Variants in SETBP1 observed in about 807,000 individuals in gnomAD.
SETBP1 encodes SET-binding protein.
In SETBP1, 9 loss-of-function variants were observed where a neutral mutation model predicts 101.0. The ratio of observed to expected loss-of-function variants is 0.09; its 90% CI spans 0.05 to 0.16. The LOEUF (loss-of-function observed/expected upper bound fraction) is 0.16, where lower values mean the gene tolerates loss of function less well. SETBP1 is among the 10% of genes least tolerant of loss of function. The pLI is 1.00. For synonymous variants in SETBP1, 818 were observed against 788.5 expected, an observed-to-expected ratio of 1.04 and a Z score of -0.63; for missense variants, 1,858 against 2,033.8, an observed-to-expected ratio of 0.91 and a Z score of 1.66.
In SETBP1 at chr18:44,925,014, T is replaced by G. The variant is rs1044924383; in HGVS notation, c.541-24867T>G. Among the ~76,000 whole-genome samples, 77 of 143,048 alleles carry G rather than the reference T, an allele frequency of 5.4e-4. 1 individual carries two copies. Among genetic ancestry groups the G allele is most frequent in the African/African-American group, 1.8e-3 (70 of 39,626 alleles). 93.8% of individuals were successfully genotyped at this position (143,048 alleles called of 152,430 possible). On this transcript the variant is annotated intron_variant, in intron 3 of 5. Transcript: ENST00000649279. ...CTTCTTGATCCTGTGTGAGTTTTTTTTTTTTTTTTTTTTTTTTTTTTCACG... is the reference window on the plus strand; with the variant it reads ...CTTCTTGATCCTGTGTGAGTTTTTTGTTTTTTTTTTTTTTTTTTTTTCACG...
chr18:44,739,776 G>C (rs1447988756), intron 2 of SETBP1, among the ~76,000 whole-genome samples: 1 of 152,184 alleles, frequency 6.6e-6, no homozygotes, highest in Non-Finnish European at 1.5e-5. Flanking sequence ...TCCAGCAAGT[G>C]CTAACTGTGT....
Position 44,912,783 on chromosome 18 carries a change from G to A in SETBP1, c.541-37098G>A, listed in dbSNP as rs571113153. ...GTTTACCCCTCCTCTGTGCACCATC[G>A]TGTACACAAGCAGTCAGTTAGCTGC... On this transcript the variant is annotated intron_variant, in intron 3 of 5. Coordinates refer to ENST00000649279, the MANE Select transcript of SETBP1 (RefSeq NM_015559.3). 5.3e-5 allele frequency among the ~76,000 whole-genome samples: 8 copies of A among 152,258 alleles called. No homozygotes were observed. The South Asian group carries it at 6.2e-4, about 12-fold the overall frequency.
rs376810199 is a variant in SETBP1, at chr18:44,951,396, A to T, written c.2056A>T (p.Ser686Cys). 4.3e-6 allele frequency: 7 copies of T among 1,614,192 alleles called. No individual in the cohort carries two copies. Among genetic ancestry groups the T allele is most frequent in the Non-Finnish European group, 4.2e-6 (5 of 1,180,038 alleles). ...CTTGAATCAGATCTTGTCCTGTTCC[A>T]GCAGCGTTGCTCTGAAGGCAAAAGC... is the stretch of plus-strand genomic sequence containing the variant. ...NILNQILSCS[S>C]SVALKAKAPP... is the part of the protein sequence containing the mutation. Residue 686 changes from serine to cysteine, a missense_variant, in exon 4 of 6, where the codon AGC becomes TGC. Transcript: ENST00000649279. This position sits in a 1 kb window ranked among gnomAD's most constrained non-coding sequence, Gnocchi z 7.8.
At chr18:44,725,526 G>C (rs1177662368) in intron 2 of SETBP1, among the ~76,000 whole-genome samples, 1 of 152,116 alleles carries the variant, frequency 6.6e-6, no homozygotes, top group East Asian at 1.9e-4. Flanking sequence ...CATATTTTAG[G>C]AGCACAGGTT....
At chr18:44,803,691 T>C (rs1374428997) in intron 2 of SETBP1, among the ~76,000 whole-genome samples, 2 of 152,194 alleles carry the variant, frequency 1.3e-5, no homozygotes, top group Admixed American at 1.3e-4. Flanking sequence ...ATTTATCTTT[T>C]CTCTCTGTAT....
chr18:44,939,798 A>G (rs1167082684), intron 3 of SETBP1, among the ~76,000 whole-genome samples: 1 of 152,182 alleles, frequency 6.6e-6, no homozygotes, highest in Non-Finnish European at 1.5e-5. Flanking sequence ...CATTTCTTTG[A>G]TGGCAGATAA....
In SETBP1 at chr18:45,045,188, C is replaced by T. The variant is rs142529606; in HGVS notation, c.4171+6533C>T. On this transcript the variant is annotated intron_variant, in intron 5 of 5. Coordinates refer to ENST00000649279, the MANE Select transcript of SETBP1 (RefSeq NM_015559.3). ...ACCTGTAATCCCAGCACTTGGGAAG[C>T]CAAGGCAGGTGGATCACGAGGTCAG... 3.9e-5 allele frequency among the ~76,000 whole-genome samples: 6 copies of T among 152,094 alleles called. No individual in the cohort carries two copies. In the East Asian group the frequency reaches 1.2e-3, roughly 29 times the overall value.
At chr18:44,882,631 C>G (rs2069556523) in intron 3 of SETBP1, among the ~76,000 whole-genome samples, 1 of 152,054 alleles carries the variant, frequency 6.6e-6, no homozygotes, top group Non-Finnish European at 1.5e-5. Context: ...TCTTGGACTC[C>G]TCAAGCCCTC....
At chr18:45,036,033 A>G (rs191518319) in intron 4 of SETBP1, among the ~76,000 whole-genome samples, 3 of 152,314 alleles carry the variant, frequency 2.0e-5, no homozygotes, top group African/African-American at 7.2e-5. Flanking sequence ...AATATTAACA[A>G]TAAAGAAGGC....
chr18:44,973,138 C>G (rs1046910725), intron 4 of SETBP1, among the ~76,000 whole-genome samples: 5 of 152,100 alleles, frequency 3.3e-5, no homozygotes, highest in Non-Finnish European at 4.4e-5. Flanking sequence ...AGATAATCAT[C>G]TGGTTTTTGT....
At chr18:44,928,565 A>G (rs2070755446) in intron 3 of SETBP1, among the ~76,000 whole-genome samples, 1 of 152,166 alleles carries the variant, frequency 6.6e-6, no homozygotes, top group Admixed American at 6.5e-5. Flanking sequence ...AAGCATTCCT[A>G]TTTCTCCACA....
At chr18:45,044,941 A>G (rs1337758342) in intron 5 of SETBP1, among the ~76,000 whole-genome samples, 1 of 152,130 alleles carries the variant, frequency 6.6e-6, no homozygotes, top group Non-Finnish European at 1.5e-5. Flanking sequence ...TCTACCAAAC[A>G]AAAATCATTT....
chr18:44,776,876 C>T (rs2071014703), intron 2 of SETBP1, among the ~76,000 whole-genome samples: 1 of 152,184 alleles, frequency 6.6e-6, no homozygotes, highest in African/African-American at 2.4e-5. Flanking sequence ...CCTGGGCATT[C>T]TGCTCCTACT....
chr18:44,745,011 T>G (rs1230002969), intron 2 of SETBP1, among the ~76,000 whole-genome samples: 4 of 152,096 alleles, frequency 2.6e-5, no homozygotes, highest in Non-Finnish European at 4.4e-5. Context: ...GGCTGCAAGC[T>G]GGGCCTCCCT....
intron 4 of SETBP1, among the ~76,000 whole-genome samples, chr18:45,028,607 A>G (rs1481695734): frequency 1.3e-5 from 2 of 152,218 alleles, no homozygotes; most frequent in Admixed American, 1.3e-4. Flanking sequence ...CAAGGGCTGA[A>G]CTAGTTTACA....
At chr18:45,034,881 A>G (rs1310770965) in intron 4 of SETBP1, among the ~76,000 whole-genome samples, 1 of 152,144 alleles carries the variant, frequency 6.6e-6, no homozygotes, top group East Asian at 1.9e-4. Context: ...CTACATCTCA[A>G]TGGTCCAGTC....
intron 4 of SETBP1, among the ~76,000 whole-genome samples, chr18:44,997,313 A>G (rs780313961): frequency 1.4e-4 from 22 of 152,286 alleles, no homozygotes; most frequent in Non-Finnish European, 2.8e-4. Flanking sequence ...TGCACTCTCC[A>G]GCAAGCACAC....
intron 2 of SETBP1, among the ~76,000 whole-genome samples, chr18:44,840,744 A>T (rs2072598938): frequency 6.6e-6 from 1 of 152,220 alleles, no homozygotes; most frequent in Non-Finnish European, 1.5e-5. Flanking sequence ...ATTTTAGAAC[A>T]CAAAAAACCC....
At chr18:44,900,990 C>T (rs183756549) in intron 3 of SETBP1, among the ~76,000 whole-genome samples, 20 of 152,286 alleles carry the variant, frequency 1.3e-4, no homozygotes, top group East Asian at 3.9e-4. Context: ...CTGTCTCCCC[C>T]GACCTTTTTA....
Sources: gnomAD v4.1 joint callset for allele counts (sites outside exome capture counted in the v4.1 genomes callset) on GRCh38, gnomAD v4.1.1 for gene constraint, Gnocchi (gnomAD v3.1) non-coding constraint, MANE v1.5 for transcripts, NCBI Gene and HGNC (gene_info 2026-07-23, HGNC 2026-07-21) for gene names.